Variants in SIAE observed in about 807,000 individuals in gnomAD.
The protein encoded by SIAE is sialic acid acetylesterase.
In SIAE, 39 loss-of-function variants were observed where a neutral mutation model predicts 52.6. That is an observed-to-expected ratio of 0.74 (90% CI 0.57 to 0.97). SIAE has a LOEUF of 0.97. Ranked by LOEUF, SIAE falls within the 50% of genes least tolerant of loss-of-function variation. SIAE has a pLI of 0.00. For synonymous variants in SIAE, 233 were observed against 241.4 expected (o/e 0.97, Z 0.32); for missense variants, 592 against 662.1 (o/e 0.89, Z 1.16).
rs1369554782 is a variant in SIAE at position 124,635,261 on chromosome 11, G to A, written c.*1690C>T. 3 of 152,238 alleles carry A rather than the reference G, an allele frequency of 2.0e-5. No individual in the cohort carries two copies. Among genetic ancestry groups the A allele is most frequent in the Non-Finnish European group, 4.4e-5 (3 of 68,042 alleles). 9.4% of individuals were successfully genotyped at this position (152,238 alleles called of 1,614,324 possible). On this transcript the variant is annotated 3_prime_UTR_variant, in exon 10 of 10. Transcript: ENST00000263593. The stretch of plus-strand genomic sequence containing the variant: ...ATGGTTTCTATGGGGCCAGATGCAT[G>A]AGAGGTCAAAGCATGGGCAATAGGG...
rs1448304279 is a variant in SIAE at position 124,667,965 on chromosome 11, A to C, written c.229+1395T>G. Reference sequence around the variant, plus strand: ...TCACAGCAGCCTGCCCACCACCTCTATCTTACTGATCTCCAATCCATCTTC... The same window carrying C: ...TCACAGCAGCCTGCCCACCACCTCTCTCTTACTGATCTCCAATCCATCTTC... On this transcript the variant is annotated intron_variant, in intron 2 of 9. Coordinates refer to ENST00000263593, the MANE Select transcript of SIAE (RefSeq NM_170601.5). 2.6e-5 allele frequency among the ~76,000 whole-genome samples: 4 copies of C among 152,202 alleles called. No individual in the cohort carries two copies. In the East Asian group the frequency reaches 7.7e-4, roughly 29 times the overall value.
intron 2 of SIAE, among the ~76,000 whole-genome samples, chr11:124,664,193 T>C (rs950451223): frequency 6.6e-6 from 1 of 152,108 alleles, no homozygotes; most frequent in African/African-American, 2.4e-5. Flanking sequence ...TGACTAGGGC[T>C]TTATGTTCTC....
rs1332749586 is a variant in SIAE at position 124,641,067 on chromosome 11, G to A, written c.967-1200C>T. 2.6e-5 allele frequency among the ~76,000 whole-genome samples: 4 copies of A among 152,268 alleles called. No individual in the cohort carries two copies. In the East Asian group the frequency reaches 7.7e-4, roughly 29 times the overall value. On this transcript the variant is annotated intron_variant, in intron 7 of 9. Coordinates refer to ENST00000263593, the MANE Select transcript of SIAE (RefSeq NM_170601.5). ...TTTGTTACACAGCAGTAGCTAACTG[G>A]TACAAGTACTTTACAGCTTTGTTGA...
At chr11:124,659,106 G>A (rs1012786533) in intron 3 of SIAE, 1 of 152,150 alleles carries the variant, frequency 6.6e-6, no homozygotes, top group Non-Finnish European at 1.5e-5. Context: ...ATGCTCAGGG[G>A]TAAATTCTAG....
chr11:124,654,290 C>G (rs1943061806), intron 4 of SIAE: 1 of 985,330 alleles, frequency 1.0e-6, no homozygotes, highest in Admixed American at 6.1e-5. Context: ...GAACCCAAAT[C>G]AGAGTTAGCC....
intron 7 of SIAE, among the ~76,000 whole-genome samples, chr11:124,646,936 C>T (rs1253769722): frequency 1.3e-5 from 2 of 152,254 alleles, no homozygotes; most frequent in South Asian, 2.1e-4. Context: ...CATGAAAAAT[C>T]GTTTACTACT....
chr11:124,653,842 G>A (rs751538910), intron 4 of SIAE, among the ~76,000 whole-genome samples: 26 of 152,230 alleles, frequency 1.7e-4, no homozygotes, highest in Non-Finnish European at 1.9e-4. Context: ...GGTCACTGCT[G>A]TATCCCTGGG....
Position 124,660,519 on chromosome 11 carries a change from A to T in SIAE, c.405+109T>A, listed in dbSNP as rs577154017. 33 of 1,042,200 alleles carry T rather than the reference A, an allele frequency of 3.2e-5. No homozygotes were observed. In the South Asian group the frequency reaches 3.7e-4, roughly 12 times the overall value. 64.6% of individuals were successfully genotyped at this position (1,042,200 alleles called of 1,614,324 possible). A position where few individuals can be genotyped will look rare whatever the true frequency, so the allele number is the denominator to read the frequency against. On this transcript the variant is annotated intron_variant, in intron 3 of 9. Transcript: ENST00000263593. ...TTTAGAACATATCTTGGCTCATGGT[A>T]CTCACTAAATAGAAACAGCCCTGCT...
intron 7 of SIAE, among the ~76,000 whole-genome samples, chr11:124,643,820 C>T (rs1591385137): frequency 6.6e-6 from 1 of 152,162 alleles, no homozygotes; most frequent in African/African-American, 2.4e-5. Context: ...GTAAGTCAAA[C>T]CACAAACTGG....
In SIAE at chr11:124,635,227, A is replaced by G. The variant is rs1335080382; in HGVS notation, c.*1724T>C. 2.0e-5 allele frequency: 3 copies of G among 152,256 alleles called. No homozygotes were observed. In the East Asian group the frequency reaches 5.8e-4, roughly 29 times the overall value. 9.4% of individuals were successfully genotyped at this position (152,256 alleles called of 1,614,324 possible). On this transcript the variant is annotated 3_prime_UTR_variant, in exon 10 of 10. Coordinates refer to ENST00000263593, the MANE Select transcript of SIAE (RefSeq NM_170601.5). ...ACTTTTTCTCAGGCATCAATCTGTT[A>G]CAAGGTTCATGGTTTCTATGGGGCC... is the stretch of plus-strand genomic sequence containing the variant.
chr11:124,647,261 A>C, intron 7 of SIAE, 104 bp downstream of exon 7: 8 of 1,486,016 alleles, frequency 5.4e-6, no homozygotes, highest in Non-Finnish European at 7.5e-6. Context: ...AATCCAGGAA[A>C]GAGATCCAAA....
At chr11:124,675,681 C>A, upstream of SIAE, 1 of 302,380 alleles carries the variant, frequency 3.3e-6, no homozygotes, top group Non-Finnish European at 6.2e-6. Context: ...AAGGTAACTG[C>A]AAAAGAGCAT....
Position 124,634,736 on chromosome 11 carries a change from A to T in SIAE, c.*2215T>A, listed in dbSNP as rs1942685327. On this transcript the variant is annotated 3_prime_UTR_variant, in exon 10 of 10. Transcript: ENST00000263593. ...AAACACTCTAAATCTATATTCTATT[A>T]TTTACATAAGAAAATTATTTTGGTA... 3 of 152,210 alleles carry T rather than the reference A, an allele frequency of 2.0e-5. No individual in the cohort carries two copies. The highest frequency in any genetic ancestry group is 4.4e-5 in the Non-Finnish European group (3 of 68,036). 9.4% of individuals were successfully genotyped at this position (152,210 alleles called of 1,614,324 possible).
At chr11:124,640,359 A>G (rs1397546708) in intron 7 of SIAE, among the ~76,000 whole-genome samples, 2 of 152,212 alleles carry the variant, frequency 1.3e-5, no homozygotes, top group Non-Finnish European at 2.9e-5. Flanking sequence ...AGGGCCAGTC[A>G]TATGGATTTC....
chr11:124,639,701 C>A lies in SIAE; in HGVS notation c.1124+9G>T, dbSNP rs879097822. The A allele has an allele frequency of 6.2e-7, 1 of 1,613,990 alleles. No homozygotes were observed. The highest frequency in any genetic ancestry group is 8.5e-7 in the Non-Finnish European group (1 of 1,179,896). ...CACTGTTCATGCAAAGCCCAAGAAG[C>A]AATCATACCTGCCAAAAGGCGAGTC... On this transcript the variant is annotated intron_variant, in intron 8 of 9. Coordinates refer to ENST00000263593, the MANE Select transcript of SIAE (RefSeq NM_170601.5).
chr11:124,643,433 GA>G (rs1221624390), intron 7 of SIAE, among the ~76,000 whole-genome samples: 1 of 151,984 alleles, frequency 6.6e-6, no homozygotes, highest in Non-Finnish European at 1.5e-5. Flanking sequence ...TACAGGAGGA[GA>G]AAAAAAGGTA....
Position 124,636,109 on chromosome 11 carries a change from A to C in SIAE, c.*842T>G, listed in dbSNP as rs1301423877. On this transcript the variant is annotated 3_prime_UTR_variant, in exon 10 of 10. Transcript: ENST00000263593. ...CTGTGTTCATGTTTTCCTAAGCCAG[A>C]GTTTCCCACGCCTCCTGTTCCTGGC... is the stretch of plus-strand genomic sequence containing the variant. 2.0e-5 allele frequency: 3 copies of C among 152,246 alleles called. No homozygotes were observed. Among genetic ancestry groups the C allele is most frequent in the East Asian group, 1.9e-4 (1 of 5,200 alleles). 9.4% of individuals were successfully genotyped at this position (152,246 alleles called of 1,614,324 possible).
Position 124,636,758 on chromosome 11 carries a change from A to G in SIAE, c.*193T>C, listed in dbSNP as rs575133231. 4 of 752,296 alleles carry G rather than the reference A, an allele frequency of 5.3e-6. No individual in the cohort carries two copies. The Admixed American group carries it at 1.0e-4, about 20-fold the overall frequency. The allele number at this position is 752,296 out of a possible 1,614,324, so 46.6% of individuals were successfully genotyped here. ...CAGACCCTTAGACCAACTAGGGAAC[A>G]AAAAGCAAGCATTTCAAGTTACCTA... On this transcript the variant is annotated 3_prime_UTR_variant, in exon 10 of 10. Transcript: ENST00000263593.
At chr11:124,669,157 A>T (rs766292063) in intron 2 of SIAE, among the ~76,000 whole-genome samples, 17 of 152,260 alleles carry the variant, frequency 1.1e-4, no homozygotes, top group African/African-American at 3.6e-4. Context: ...CCTTGAGAAC[A>T]GGAACTTTGA....
Sources: gnomAD v4.1 joint callset for allele counts (sites outside exome capture counted in the v4.1 genomes callset) on GRCh38, gnomAD v4.1.1 for gene constraint, MANE v1.5 for transcripts, NCBI Gene and HGNC (gene_info 2026-07-23, HGNC 2026-07-21) for gene names.